The following KIAA1217 variants were observed in gnomAD, a reference collection of about 807,000 sequenced individuals.
KIAA1217 encodes KIAA1217, also known as sickle tail protein homolog.
Under a neutral mutation model 163.9 loss-of-function variants are expected in KIAA1217, and 88 were observed. That is an observed-to-expected ratio of 0.54 (90% CI 0.45 to 0.64). KIAA1217 has a LOEUF of 0.64. Among genes scored for constraint, KIAA1217 ranks in the 30% least tolerant of loss-of-function variants. The probability of loss-of-function intolerance (pLI) is 0.00; values close to 1 mark genes in which losing one functional copy is unlikely to be tolerated. For missense variants in KIAA1217, 2,372 were observed against 2,475.0 expected (o/e 0.96, Z 0.88); for synonymous variants, 903 against 923.1 (o/e 0.98, Z 0.39).
Position 24,434,893 on chromosome 10 carries a change from T to A in KIAA1217, c.752+1700T>A, listed in dbSNP as rs188272329. ...GCACACAGCCAGCTAAGTACCAAGC[T>A]CTGCCCCAAATATGGCTGTTCACAC... is the stretch of plus-strand genomic sequence containing the variant. On this transcript the variant is annotated intron_variant, in intron 4 of 20. Coordinates refer to ENST00000376454, the MANE Select transcript of KIAA1217 (RefSeq NM_019590.5). Among the ~76,000 whole-genome samples the A allele has an allele frequency of 2.0e-5, 3 of 152,318 alleles. No individual in the cohort carries two copies. The East Asian group carries it at 5.8e-4, about 29-fold the overall frequency.
intron 2 of KIAA1217, among the ~76,000 whole-genome samples, chr10:24,361,228 C>A (rs993045719): frequency 3.3e-5 from 5 of 152,056 alleles, no homozygotes; most frequent in African/African-American, 1.2e-4. Context: ...CACTGTCACC[C>A]CGGGCTGGAG....
At chr10:23,859,146 G>A (rs1839842245) in intron 1 of KIAA1217, among the ~76,000 whole-genome samples, 2 of 152,210 alleles carry the variant, frequency 1.3e-5, no homozygotes. Flanking sequence ...ATGTGTGGGT[G>A]TATACATATG....
chr10:23,917,754 A>G (rs988112650), intron 1 of KIAA1217, among the ~76,000 whole-genome samples: 3 of 152,194 alleles, frequency 2.0e-5, no homozygotes, highest in African/African-American at 7.2e-5. Context: ...TCTCGCTCCC[A>G]CAGCACATCC....
intron 2 of KIAA1217, among the ~76,000 whole-genome samples, chr10:24,193,332 GA>G (rs1185300546): frequency 6.6e-6 from 1 of 152,190 alleles, no homozygotes; most frequent in African/African-American, 2.4e-5. Context: ...GACTTATCTG[GA>G]GAGAAAATTT....
At chr10:24,073,059 G>GA (rs532104668) in intron 2 of KIAA1217, among the ~76,000 whole-genome samples, 355 of 122,920 alleles carry the variant, frequency 2.9e-3, no homozygotes, top group African/African-American at 4.6e-3. Context: ...ACTCTGTCTT[G>GA]AAAAAAAAAA....
At chr10:24,323,273 A>G (rs2044413760) in intron 2 of KIAA1217, among the ~76,000 whole-genome samples, 1 of 152,042 alleles carries the variant, frequency 6.6e-6, no homozygotes, top group African/African-American at 2.4e-5. Flanking sequence ...AAGGGCCTGG[A>G]CTTGTTACTC....
At chr10:24,434,637 A>C (rs1331291) in intron 4 of KIAA1217, among the ~76,000 whole-genome samples, 28,657 of 152,196 alleles carry the variant, frequency 0.19, 3,122 homozygotes, top group South Asian at 0.37. Context: ...CACCTGGCTC[A>C]AAAGCATCTT....
chr10:24,473,476 C>G lies in KIAA1217; in HGVS notation c.1095C>G (p.Ser365Arg), dbSNP rs766384876. ...PVSRPISPSP[S>R]AILERRDVKP... ...CCAGACCCATCTCTCCAAGCCCAAG[C>G]GCCATTTTAGAAAGAAGAGATGTCA... The change falls in exon 6 of 21, where the codon AGC (serine) becomes AGG (arginine). Residue 365 changes from serine to arginine, a missense_variant. This residue lies in a region of KIAA1217 where 1,431 missense variants were observed against 1,470.3 expected (regional missense o/e 0.97). Coordinates refer to ENST00000376454, the MANE Select transcript of KIAA1217 (RefSeq NM_019590.5). 6.2e-7 allele frequency: 1 copy of G among 1,614,130 alleles called. No individual in the cohort carries two copies. Among genetic ancestry groups the G allele is most frequent in the Non-Finnish European group, 8.5e-7 (1 of 1,180,026 alleles).
chr10:24,150,699 AG>A, intron 2 of KIAA1217, among the ~76,000 whole-genome samples: 1 of 152,312 alleles, frequency 6.6e-6, no homozygotes, highest in East Asian at 1.9e-4. Context: ...CATCAGCATC[AG>A]GCATGGCTGC....
At chr10:23,837,043 A>T (rs1304251770) in intron 1 of KIAA1217, among the ~76,000 whole-genome samples, 1 of 152,168 alleles carries the variant, frequency 6.6e-6, no homozygotes, top group East Asian at 1.9e-4. Context: ...TCACGTGTCT[A>T]TAATTCCACA....
intron 1 of KIAA1217, among the ~76,000 whole-genome samples, chr10:23,927,911 GA>G (rs948387671): frequency 3.9e-5 from 6 of 152,036 alleles, no homozygotes; most frequent in Non-Finnish European, 7.4e-5. Context: ...TAATTAAATG[GA>G]AAAAATGGTA....
intron 2 of KIAA1217, among the ~76,000 whole-genome samples, chr10:24,313,403 G>T (rs1476342613): frequency 1.3e-5 from 2 of 152,178 alleles, no homozygotes; most frequent in Admixed American, 1.3e-4. Flanking sequence ...CTTATTTCGA[G>T]TGAGCAGCCG....
chr10:23,953,234 T>A (rs1272482321), intron 1 of KIAA1217, among the ~76,000 whole-genome samples: 1 of 152,248 alleles, frequency 6.6e-6, no homozygotes, highest in Non-Finnish European at 1.5e-5. Context: ...TAGCTTATGC[T>A]TCATGAAAAA....
At chr10:23,763,294 T>C (rs752782643) in intron 1 of KIAA1217, among the ~76,000 whole-genome samples, 2 of 152,156 alleles carry the variant, frequency 1.3e-5, no homozygotes, top group Non-Finnish European at 2.9e-5. Flanking sequence ...AAGAAGATAC[T>C]GTATAGACAA....
At chr10:24,328,988 CAT>C (rs1376290159) in intron 2 of KIAA1217, among the ~76,000 whole-genome samples, 1 of 150,634 alleles carries the variant, frequency 6.6e-6, no homozygotes, top group Non-Finnish European at 1.5e-5. Flanking sequence ...ATAGTATAAA[CAT>C]ATGCTGTTTA....
chr10:24,341,679 T>C (rs953269741), intron 2 of KIAA1217, among the ~76,000 whole-genome samples: 2 of 152,218 alleles, frequency 1.3e-5, no homozygotes, highest in African/African-American at 4.8e-5. Context: ...ATTTCTTCAG[T>C]GTAGCTTTTA....
chr10:24,015,898 T>G (rs1847460431), intron 2 of KIAA1217, among the ~76,000 whole-genome samples: 1 of 151,964 alleles, frequency 6.6e-6, no homozygotes, highest in African/African-American at 2.4e-5. Flanking sequence ...TCTTCCTGTT[T>G]GCGTAGGGTA....
At chr10:24,367,609 C>A (rs570041835) in intron 2 of KIAA1217, among the ~76,000 whole-genome samples, 1 of 152,330 alleles carries the variant, frequency 6.6e-6, no homozygotes, top group South Asian at 2.1e-4. Flanking sequence ...AAGCCTGAAT[C>A]ATTCTGACAA....
chr10:24,366,649 G>T (rs1213147461), intron 2 of KIAA1217, among the ~76,000 whole-genome samples: 1 of 152,166 alleles, frequency 6.6e-6, no homozygotes, highest in Non-Finnish European at 1.5e-5. Flanking sequence ...GCATGGCAAA[G>T]CATGGGCAGA....
Sources: allele counts gnomAD v4.1 joint callset (sites outside exome capture counted in the v4.1 genomes callset), GRCh38; gene constraint gnomAD v4.1.1; regional missense constraint gnomAD v4.1.1; transcripts MANE v1.5; gene names NCBI Gene and HGNC (gene_info 2026-07-23, HGNC 2026-07-21).